EXOC6B: variants seen among roughly 807,000 people sequenced by gnomAD.
EXOC6B encodes the protein exocyst complex component 6B.
A neutral mutation model predicts 113.5 loss-of-function variants in EXOC6B; 54 were observed. The ratio of observed to expected loss-of-function variants is 0.48; its 90% CI spans 0.38 to 0.60. EXOC6B has a LOEUF of 0.60. Among genes scored for constraint, EXOC6B ranks in the 20% least tolerant of loss-of-function variants. EXOC6B has a pLI of 0.00. For missense variants in EXOC6B, 797 were observed against 977.5 expected, an observed-to-expected ratio of 0.82 and a Z score of 2.46; for synonymous variants, 357 against 339.0, an observed-to-expected ratio of 1.05 and a Z score of -0.58.
In EXOC6B at chr2:72,495,448, G is replaced by C. The variant is rs187503402; in HGVS notation, c.1535C>G (p.Ser512Ter). Residue 512 changes from serine to a stop codon, truncating the protein, a stop_gained, in exon 15 of 22, where the codon TCA becomes TGA. Transcript: ENST00000272427. LOFTEE classifies it high-confidence loss of function. ...KEFIYACLKF[S>*]EDLHLSSTEV... Reference sequence around the variant, plus strand: ...ATTATACCTTAGATGAAGATCTTCTGAAAACTTCAGACAAGCGTAGATAAA... The same window carrying C: ...ATTATACCTTAGATGAAGATCTTCTCAAAACTTCAGACAAGCGTAGATAAA... The C allele has an allele frequency of 6.3e-7, 1 of 1,585,674 alleles. No individual in the cohort carries two copies. Among genetic ancestry groups the C allele is most frequent in the East Asian group, 2.2e-5 (1 of 44,500 alleles).
At position 72,643,180 on chromosome 2, in the gene EXOC6B, T is replaced by C. The variant is rs975220758; in HGVS notation, c.670-67512A>G. Among the ~76,000 whole-genome samples the C allele has an allele frequency of 4.1e-4, 62 of 152,112 alleles. 1 individual carries two copies. In the East Asian group the frequency reaches 0.011, roughly 28 times the overall value. On this transcript the variant is annotated intron_variant, in intron 6 of 21. Transcript: ENST00000272427. ...ACTGTTGGTGGGACTGTAAACTAGT[T>C]CAACCATTGTGGAAGTCAGTGTGGT...
chr2:72,400,642 A>G (rs1693073283), intron 18 of EXOC6B, among the ~76,000 whole-genome samples: 1 of 151,834 alleles, frequency 6.6e-6, no homozygotes, highest in African/African-American at 2.4e-5. Flanking sequence ...ACATGAGCAG[A>G]CAATTCTCAA....
At chr2:72,322,558 A>T (rs1310950406) in intron 20 of EXOC6B, among the ~76,000 whole-genome samples, 1 of 152,132 alleles carries the variant, frequency 6.6e-6, no homozygotes, top group African/African-American at 2.4e-5. Context: ...ATTAGATTAT[A>T]CCTGAATAAA....
At chr2:72,454,095 G>A (rs1449749558) in intron 18 of EXOC6B, among the ~76,000 whole-genome samples, 1 of 152,106 alleles carries the variant, frequency 6.6e-6, no homozygotes, top group Non-Finnish European at 1.5e-5. Flanking sequence ...CCTGACACGC[G>A]GGGATTATTA....
At chr2:72,498,846 A>G (rs887675193) in intron 12 of EXOC6B, among the ~76,000 whole-genome samples, 7 of 152,134 alleles carry the variant, frequency 4.6e-5, no homozygotes, top group African/African-American at 1.2e-4. Context: ...ATCCCTTCCT[A>G]TAAGTCCTAC....
intron 18 of EXOC6B, 39 bp from the exon 19 acceptor site, chr2:72,379,909 T>C: frequency 6.7e-7 from 1 of 1,489,316 alleles, no homozygotes; most frequent in South Asian, 1.4e-5. Flanking sequence ...TTAATGCATC[T>C]AACATAAATT....
At chr2:72,521,705 CT>C (rs1434141196) in intron 8 of EXOC6B, among the ~76,000 whole-genome samples, 1 of 151,526 alleles carries the variant, frequency 6.6e-6, no homozygotes, top group East Asian at 1.9e-4. Context: ...CTTTGTTTAA[CT>C]TTTTTTTTGA....
At chr2:72,791,823 A>G (rs768667996) in intron 1 of EXOC6B, among the ~76,000 whole-genome samples, 7 of 152,202 alleles carry the variant, frequency 4.6e-5, no homozygotes, top group Non-Finnish European at 1.0e-4. Flanking sequence ...CACAATAAAC[A>G]TCAAAGGCAG....
Position 72,176,059 on chromosome 2 carries a change from A to G in EXOC6B, c.*3276T>C, listed in dbSNP as rs988851775. 1 of 152,234 alleles carries G rather than the reference A, an allele frequency of 6.6e-6. No homozygotes were observed. Among genetic ancestry groups the G allele is most frequent in the Non-Finnish European group, 1.5e-5 (1 of 68,048 alleles). 9.4% of individuals were successfully genotyped at this position (152,234 alleles called of 1,614,324 possible). ...AGGAAAATGTACAAGAGGAATAAAC[A>G]TGCTCTTTTCACAGAGGAGCTTTCC... On this transcript the variant is annotated 3_prime_UTR_variant, in exon 22 of 22. Transcript: ENST00000272427.
At chr2:72,187,382 G>A (rs1243784216) in intron 20 of EXOC6B, among the ~76,000 whole-genome samples, 2 of 152,002 alleles carry the variant, frequency 1.3e-5, no homozygotes, top group Non-Finnish European at 2.9e-5. Context: ...TTACCATTCA[G>A]TGGGTCTCAA....
At chr2:72,754,395 T>G (rs1314930785) in intron 1 of EXOC6B, among the ~76,000 whole-genome samples, 1 of 151,938 alleles carries the variant, frequency 6.6e-6, no homozygotes, top group East Asian at 1.9e-4. Context: ...GACACCAATT[T>G]CTTTTTTTTT....
intron 19 of EXOC6B, among the ~76,000 whole-genome samples, chr2:72,352,744 T>G (rs1689731834): frequency 6.6e-6 from 1 of 151,460 alleles, no homozygotes; most frequent in Non-Finnish European, 1.5e-5. Context: ...TTTTTTTTTT[T>G]GAGATGTGTA....
chr2:72,489,919 G>A (rs1336219233), intron 16 of EXOC6B, among the ~76,000 whole-genome samples: 1 of 152,104 alleles, frequency 6.6e-6, no homozygotes, highest in South Asian at 2.1e-4. Context: ...AAGAGACTGT[G>A]TAACCCCAAA....
intron 3 of EXOC6B, 91 bp from the exon 4 acceptor site, chr2:72,731,336 G>GA: frequency 1.0e-6 from 1 of 959,402 alleles, no homozygotes; most frequent in Non-Finnish European, 1.6e-6. Flanking sequence ...CAATTCATCA[G>GA]AAAATCCCAG....
chr2:72,351,043 C>T (rs569164688), intron 19 of EXOC6B, among the ~76,000 whole-genome samples: 3 of 152,242 alleles, frequency 2.0e-5, no homozygotes, highest in Non-Finnish European at 2.9e-5. Flanking sequence ...TTGTTTCCAT[C>T]CATTGACGGG....
Position 72,666,824 on chromosome 2 carries a change from A to ACACACAC in EXOC6B, c.669+51278_669+51279insGTGTGTG, listed in dbSNP as rs376270262. On this transcript the variant is annotated intron_variant, in intron 6 of 21. Transcript: ENST00000272427. The stretch of plus-strand genomic sequence containing the variant: ...ACACACACACACACACACACACACA[A>ACACACAC]AGAAATGCCTAAGTATACATCTGAT... 7.2e-3 allele frequency among the ~76,000 whole-genome samples: 969 copies of ACACACAC among 135,318 alleles called. 28 individuals carry two copies. The highest frequency in any genetic ancestry group is 0.042 in the East Asian group (199 of 4,690). 88.8% of individuals were successfully genotyped at this position (135,318 alleles called of 152,430 possible). A position where few individuals can be genotyped will look rare whatever the true frequency, so the allele number is the denominator to read the frequency against.
At chr2:72,700,807 C>T (rs1031258537) in intron 6 of EXOC6B, among the ~76,000 whole-genome samples, 7 of 151,980 alleles carry the variant, frequency 4.6e-5, no homozygotes, top group African/African-American at 1.7e-4. Flanking sequence ...AAAAATTAGC[C>T]AGGCATGATG....
intron 18 of EXOC6B, among the ~76,000 whole-genome samples, chr2:72,429,704 G>C (rs913593454): frequency 1.3e-5 from 2 of 152,204 alleles, no homozygotes; most frequent in East Asian, 1.9e-4. Context: ...AGTTATGAGA[G>C]GGGGAACACT....
intron 20 of EXOC6B, among the ~76,000 whole-genome samples, chr2:72,286,684 T>C (rs768841768): frequency 2.6e-5 from 4 of 152,120 alleles, no homozygotes; most frequent in Non-Finnish European, 4.4e-5. Context: ...GTTTATCACA[T>C]GTAACATACC....
Sources: allele counts gnomAD v4.1 joint callset (sites outside exome capture counted in the v4.1 genomes callset), GRCh38; gene constraint gnomAD v4.1.1; transcripts MANE v1.5; gene names NCBI Gene and HGNC (gene_info 2026-07-23, HGNC 2026-07-21).